The following LRRC37A variants were observed in gnomAD, a reference collection of about 807,000 sequenced individuals.
LRRC37A encodes leucine-rich repeat-containing protein 37A.
In LRRC37A, 3 loss-of-function variants were observed where a neutral mutation model predicts 35.4. The observed-to-expected ratio is 0.08, with a 90% confidence interval of 0.04 to 0.22. The LOEUF is 0.22. LRRC37A is among the 10% of genes least tolerant of loss of function. The pLI is 1.00. For synonymous variants in LRRC37A, 23 were observed against 215.0 expected (o/e 0.11, Z 7.81); for missense variants, 67 against 565.3 (o/e 0.12, Z 8.94).
chr17:46,282,406 GTTTTTTGTTTGTT>G, the LRRC37A span, among the ~76,000 whole-genome samples: 9 of 149,062 alleles, frequency 6.0e-5, no homozygotes, highest in African/African-American at 1.7e-4. Context: ...CCTGGCCTCA[GTTTTTTGTTTGTT>G]TTTTTTTTTT....
chr17:46,291,024 G>C (rs1037114899), upstream of LRRC37A, among the ~76,000 whole-genome samples: 13 of 152,200 alleles, frequency 8.5e-5, no homozygotes, highest in African/African-American at 2.9e-4. Context: ...AATGGCCCTG[G>C]TTTAATGAAT....
chr17:46,317,184 C>T (rs1331483466), intron 5 of LRRC37A, among the ~76,000 whole-genome samples: 1 of 77,042 alleles, frequency 1.3e-5, no homozygotes, highest in African/African-American at 3.3e-5. Flanking sequence ...CCCAGACGGG[C>T]ATGCCCAGTT....
the LRRC37A span, among the ~76,000 whole-genome samples, chr17:46,256,940 G>T: frequency 6.6e-6 from 1 of 152,212 alleles, no homozygotes; most frequent in African/African-American, 2.4e-5. Flanking sequence ...GTAGAAGGAG[G>T]CTTCTAACAG....
rs1218977563 is a variant in LRRC37A, at chr17:46,311,613, A to G, written c.2906+5304A>G. ...GACCTGTACAGAAGAATTTGGAGGG[A>G]AAAAAAAAAACAGGCAAGAAATGTT... is the stretch of plus-strand genomic sequence containing the variant. On this transcript the variant is annotated intron_variant, in intron 5 of 13. Transcript: ENST00000320254. 1.2e-4 allele frequency among the ~76,000 whole-genome samples: 11 copies of G among 92,626 alleles called. 3 individuals carry two copies. The highest frequency in any genetic ancestry group is 3.4e-4 in the Admixed American group (3 of 8,862). The allele number at this position is 92,626 out of a possible 152,430, so 60.8% of individuals were successfully genotyped here.
chr17:46,273,484 T>C, the LRRC37A span, among the ~76,000 whole-genome samples: 1 of 152,232 alleles, frequency 6.6e-6, no homozygotes, highest in Non-Finnish European at 1.5e-5. Flanking sequence ...TTGGGAACTG[T>C]AGCAACATCT....
At chr17:46,250,433 C>T in the LRRC37A span, among the ~76,000 whole-genome samples, 3 of 152,180 alleles carry the variant, frequency 2.0e-5, no homozygotes, top group Non-Finnish European at 4.4e-5. Flanking sequence ...TTTGAGTCAG[C>T]GGGCTGAGAA....
At chr17:46,264,214 T>G in the LRRC37A span, among the ~76,000 whole-genome samples, 1 of 150,522 alleles carries the variant, frequency 6.6e-6, no homozygotes, top group East Asian at 2.0e-4. Flanking sequence ...TCCGCTTCCC[T>G]CAGTCTCCCA....
At chr17:46,279,330 C>T in the LRRC37A span, among the ~76,000 whole-genome samples, 11 of 151,784 alleles carry the variant, frequency 7.2e-5, no homozygotes, top group Admixed American at 3.3e-4. Context: ...ATTACAGGTG[C>T]CTACCACAAT....
At chr17:46,251,682 C>G in the LRRC37A span, among the ~76,000 whole-genome samples, 2 of 151,016 alleles carry the variant, frequency 1.3e-5, no homozygotes, top group African/African-American at 2.4e-5. Context: ...GGTATGACGA[C>G]ACTATTGATA....
At chr17:46,255,762 G>C in the LRRC37A span, among the ~76,000 whole-genome samples, 4 of 150,808 alleles carry the variant, frequency 2.7e-5, no homozygotes, top group Non-Finnish European at 4.4e-5. Flanking sequence ...TGCGAGCTCT[G>C]CTTCCTGGGT....
chr17:46,259,003 C>A, the LRRC37A span, among the ~76,000 whole-genome samples: 1 of 147,096 alleles, frequency 6.8e-6, no homozygotes, highest in African/African-American at 2.5e-5. Flanking sequence ...CAGGCATGAG[C>A]CACCGCACCC....
the LRRC37A span, chr17:46,260,232 G>A: frequency 0.063 from 88,277 of 1,407,228 alleles, 11,305 homozygotes; most frequent in East Asian, 0.3. Flanking sequence ...TGCGGCACAC[G>A]AGCAGCGGGC....
chr17:46,270,926 T>C, the LRRC37A span, among the ~76,000 whole-genome samples: 1 of 152,224 alleles, frequency 6.6e-6, no homozygotes, highest in Non-Finnish European at 1.5e-5. Flanking sequence ...TATATCTATA[T>C]GGCTAATTTC....
the LRRC37A span, chr17:46,268,365 G>C: frequency 4.3e-6 from 3 of 702,824 alleles, no homozygotes; most frequent in Non-Finnish European, 5.8e-6. Context: ...TTTCCACCTT[G>C]CCTGTAGACT....
At chr17:46,319,139 G>C (rs2051254183) in intron 5 of LRRC37A, among the ~76,000 whole-genome samples, 2 of 18,882 alleles carry the variant, frequency 1.1e-4, no homozygotes, top group African/African-American at 2.6e-4. Flanking sequence ...AATTTTTTTT[G>C]AATAAATGCT....
chr17:46,285,456 G>C, the LRRC37A span, among the ~76,000 whole-genome samples: 1 of 151,956 alleles, frequency 6.6e-6, no homozygotes, highest in African/African-American at 2.4e-5. Context: ...TGGCCAGTCT[G>C]GTCTCAAACT....
chr17:46,280,256 T>C, the LRRC37A span, among the ~76,000 whole-genome samples: 3 of 152,114 alleles, frequency 2.0e-5, no homozygotes, highest in African/African-American at 4.8e-5. Context: ...CCCAGCTACT[T>C]GGGAGGCTGA....
chr17:46,262,787 GA>G, the LRRC37A span, among the ~76,000 whole-genome samples: 1,067 of 124,532 alleles, frequency 8.6e-3, 8 homozygotes, highest in African/African-American at 0.029. Flanking sequence ...CTCGGTCTTG[GA>G]AAAAAAAAAA....
chr17:46,271,166 T>TC, the LRRC37A span, among the ~76,000 whole-genome samples: 3 of 137,026 alleles, frequency 2.2e-5, no homozygotes, highest in Non-Finnish European at 4.6e-5. Flanking sequence ...AATAGTTTCT[T>TC]TTTTTTTTTT....
Sources: allele counts gnomAD v4.1 joint callset (sites outside exome capture counted in the v4.1 genomes callset), GRCh38; gene constraint gnomAD v4.1.1; transcripts MANE v1.5; gene names NCBI Gene and HGNC (gene_info 2026-07-23, HGNC 2026-07-21).